PTPRG: variants seen among roughly 807,000 people sequenced by gnomAD.
PTPRG encodes receptor-type tyrosine-protein phosphatase gamma.
In PTPRG, 102 loss-of-function variants were observed where a neutral mutation model predicts 165.3. The observed-to-expected ratio is 0.62, with a 90% CI of 0.53 to 0.73. The LOEUF is 0.73. Ranked by LOEUF, PTPRG falls within the 30% of genes least tolerant of loss-of-function variation. PTPRG has a pLI of 0.00. For missense variants in PTPRG, 1,866 were observed against 1,861.4 expected (o/e 1.00, Z -0.05); for synonymous variants, 675 against 669.5 (o/e 1.01, Z -0.13).
chr3:62,032,397 C>T (rs1398172018), intron 4 of PTPRG, among the ~76,000 whole-genome samples: 3 of 152,216 alleles, frequency 2.0e-5, no homozygotes, highest in Non-Finnish European at 4.4e-5. Flanking sequence ...ATATCCAACA[C>T]ACCATTTGCT....
Position 62,293,807 on chromosome 3 carries a change from C to CT in PTPRG, c.*504dup, listed in dbSNP as rs1702979791. Reference sequence around the variant, plus strand: ...TTAATGGAGTGGATAGCATTGTTTTCTTTTACAGACTAGCAGGCTACTGGG... The same window carrying CT: ...TTAATGGAGTGGATAGCATTGTTTTCTTTTTACAGACTAGCAGGCTACTGGG... On this transcript the variant is annotated 3_prime_UTR_variant, in exon 30 of 30. Coordinates refer to ENST00000474889, the MANE Select transcript of PTPRG (RefSeq NM_002841.4). The CT allele has an allele frequency of 1.3e-5, 2 of 152,408 alleles. No individual in the cohort carries two copies. The highest frequency in any genetic ancestry group is 1.3e-4 in the Admixed American group (2 of 15,230). The allele number at this position is 152,408 out of a possible 1,614,324, so 9.4% of individuals were successfully genotyped here. A position where few individuals can be genotyped will look rare whatever the true frequency, so the allele number is the denominator to read the frequency against.
At chr3:61,862,753 T>C (rs967463937) in intron 2 of PTPRG, among the ~76,000 whole-genome samples, 1 of 152,166 alleles carries the variant, frequency 6.6e-6, no homozygotes, top group African/African-American at 2.4e-5. Flanking sequence ...CTTCTGGACT[T>C]TGTTTTCCAG....
chr3:61,865,904 G>A (rs971751137), intron 2 of PTPRG, among the ~76,000 whole-genome samples: 1 of 152,190 alleles, frequency 6.6e-6, no homozygotes, highest in African/African-American at 2.4e-5. Flanking sequence ...AAAAGGCACT[G>A]ACATCTAATT....
At chr3:61,635,101 A>T (rs4688261) in intron 1 of PTPRG, among the ~76,000 whole-genome samples, 1 of 151,904 alleles carries the variant, frequency 6.6e-6, no homozygotes, top group Non-Finnish European at 1.5e-5. Flanking sequence ...CTTCCTGAGC[A>T]TGCAATAAAG....
chr3:61,602,329 A>T (rs1700892496), intron 1 of PTPRG, among the ~76,000 whole-genome samples: 1 of 152,092 alleles, frequency 6.6e-6, no homozygotes. Flanking sequence ...CCCCCTTGTA[A>T]TTAAAAGAGA....
At chr3:61,708,298 G>C (rs927094501) in intron 1 of PTPRG, among the ~76,000 whole-genome samples, 3 of 152,022 alleles carry the variant, frequency 2.0e-5, no homozygotes, top group African/African-American at 7.2e-5. Context: ...TGATGTTTTA[G>C]AGTCATGATG....
intron 7 of PTPRG, among the ~76,000 whole-genome samples, chr3:62,167,168 T>C (rs1705021240): frequency 6.6e-6 from 1 of 152,198 alleles, no homozygotes; most frequent in African/African-American, 2.4e-5. Context: ...ATTTTAATAC[T>C]TCTGACAACT....
intron 1 of PTPRG, among the ~76,000 whole-genome samples, chr3:61,591,475 T>A (rs1429044871): frequency 6.6e-6 from 1 of 152,230 alleles, no homozygotes; most frequent in Middle Eastern, 3.2e-3. Flanking sequence ...GGGCCTGCAA[T>A]GGGTTTTCTT....
chr3:62,207,731 G>T (rs953107368), intron 12 of PTPRG, among the ~76,000 whole-genome samples: 5 of 152,164 alleles, frequency 3.3e-5, no homozygotes, highest in African/African-American at 9.7e-5. Flanking sequence ...AGTCCTGTGA[G>T]TAGTGGCTTT....
At chr3:62,165,083 G>A (rs190930758) in intron 7 of PTPRG, among the ~76,000 whole-genome samples, 113 of 152,202 alleles carry the variant, frequency 7.4e-4, no homozygotes, top group East Asian at 1.2e-3. Flanking sequence ...GCCAATTTCC[G>A]TTTATTTGGT....
At chr3:62,193,323 C>T (rs1452900189) in intron 9 of PTPRG, among the ~76,000 whole-genome samples, 1 of 152,106 alleles carries the variant, frequency 6.6e-6, no homozygotes, top group African/African-American at 2.4e-5. Context: ...AAGATGGGGT[C>T]AGAGGTTTAG....
intron 2 of PTPRG, chr3:61,753,690 T>G (rs530362535): frequency 1.9e-5 from 8 of 417,918 alleles, no homozygotes; most frequent in South Asian, 8.7e-5. Flanking sequence ...GCTTCCTGAG[T>G]TCAAGCAATT....
intron 20 of PTPRG, 71 bp downstream of exon 20, chr3:62,269,240 A>G: frequency 7.0e-7 from 1 of 1,429,808 alleles, no homozygotes; most frequent in South Asian, 1.6e-5. Context: ...CTGTACAACC[A>G]AGGCCAAATC....
At chr3:61,783,149 T>C (rs1377311304) in intron 2 of PTPRG, among the ~76,000 whole-genome samples, 1 of 152,140 alleles carries the variant, frequency 6.6e-6, no homozygotes, top group Non-Finnish European at 1.5e-5. Context: ...TTTTAAAATA[T>C]ATTTCAACAT....
At chr3:61,976,237 T>A (rs1425343719) in intron 2 of PTPRG, among the ~76,000 whole-genome samples, 9 of 152,228 alleles carry the variant, frequency 5.9e-5, no homozygotes, top group Non-Finnish European at 1.3e-4. Flanking sequence ...AATGCACTAC[T>A]GTAATGATGG....
chr3:61,736,487 A>G (rs1385608235), intron 1 of PTPRG, among the ~76,000 whole-genome samples: 7 of 151,878 alleles, frequency 4.6e-5, no homozygotes, highest in Admixed American at 1.3e-4. Context: ...TAAGCAGTTC[A>G]TTTTGTGAAC....
Position 61,719,088 on chromosome 3 carries a change from C to G in PTPRG, c.86-29790C>G, listed in dbSNP as rs180995867. On this transcript the variant is annotated intron_variant, in intron 1 of 29. Transcript: ENST00000474889. Reference sequence around the variant, plus strand: ...TTAGGCAAGGATTTCCACTTCTCCTCTTGTAAAAGCTTTCCCAAACAGCAA... The same window carrying G: ...TTAGGCAAGGATTTCCACTTCTCCTGTTGTAAAAGCTTTCCCAAACAGCAA... Among the ~76,000 whole-genome samples the G allele has an allele frequency of 1.5e-3, 224 of 152,260 alleles. 1 individual carries two copies. Among genetic ancestry groups the G allele is most frequent in the Non-Finnish European group, 2.4e-3 (165 of 68,018 alleles).
chr3:61,998,818 C>G (rs1042205242), intron 3 of PTPRG, among the ~76,000 whole-genome samples: 1 of 152,220 alleles, frequency 6.6e-6, no homozygotes, highest in Admixed American at 6.5e-5. Flanking sequence ...ACCACATAGA[C>G]CTTTCCTGTC....
intron 1 of PTPRG, among the ~76,000 whole-genome samples, chr3:61,610,530 GATT>G (rs955413982): frequency 2.6e-5 from 4 of 152,150 alleles, no homozygotes; most frequent in Admixed American, 6.5e-5. Flanking sequence ...TGGATAAAGA[GATT>G]ATATCGTATG....
Sources: allele counts gnomAD v4.1 joint callset (sites outside exome capture counted in the v4.1 genomes callset), GRCh38; gene constraint gnomAD v4.1.1; transcripts MANE v1.5; gene names NCBI Gene and HGNC (gene_info 2026-07-23, HGNC 2026-07-21).